Variants in BICRAL observed in about 807,000 individuals in gnomAD.
BICRAL encodes the protein BICRA like chromatin remodeling complex associated protein.
In BICRAL, 8 loss-of-function variants were observed where a neutral mutation model predicts 91.8. That is an observed-to-expected ratio of 0.09 (90% confidence interval 0.05 to 0.16). The LOEUF is 0.16. Ranked by LOEUF, BICRAL falls within the 10% of genes least tolerant of loss-of-function variation. The pLI is 1.00. For missense variants in BICRAL, 1,038 were observed against 1,310.9 expected (o/e 0.79, Z 3.21); for synonymous variants, 445 against 491.1 (o/e 0.91, Z 1.24).
intron 6 of BICRAL, among the ~76,000 whole-genome samples, chr6:42,831,745 C>CCTTT (rs796400023): frequency 6.9e-6 from 1 of 144,756 alleles, no homozygotes; most frequent in Non-Finnish European, 1.5e-5. Flanking sequence ...ATTTCAAAAT[C>CCTTT]TTTTTTTTTT....
intron 5 of BICRAL, among the ~76,000 whole-genome samples, chr6:42,825,043 G>A (rs1296924278): frequency 1.3e-5 from 2 of 152,086 alleles, no homozygotes; most frequent in Non-Finnish European, 2.9e-5. Context: ...GGCAGACCAC[G>A]AGGTCAGGAG....
chr6:42,811,933 A>G (rs1181720801), intron 2 of BICRAL, among the ~76,000 whole-genome samples: 4 of 152,246 alleles, frequency 2.6e-5, no homozygotes, highest in Admixed American at 2.0e-4. Flanking sequence ...AAAGATTGAC[A>G]AAGCTTAAAA....
chr6:42,836,752 G>A (rs750427828), intron 6 of BICRAL, among the ~76,000 whole-genome samples: 5 of 150,628 alleles, frequency 3.3e-5, no homozygotes, highest in Non-Finnish European at 7.4e-5. Flanking sequence ...CTCCTGAGTA[G>A]CTGAGATTAC....
chr6:42,782,498 AGGGGGCGGCGAGGCCGGGCC>A (rs1762944101), intron 1 of BICRAL, among the ~76,000 whole-genome samples: 1 of 58,828 alleles, frequency 1.7e-5, no homozygotes, highest in South Asian at 6.2e-4. Flanking sequence ...GCAGGCGGGC[AGGGGGCGGCGAGGCCGGGCC>A]GGGGGCGCCT....
At chr6:42,790,849 A>G (rs1763251796) in intron 1 of BICRAL, among the ~76,000 whole-genome samples, 1 of 152,040 alleles carries the variant, frequency 6.6e-6, no homozygotes, top group Non-Finnish European at 1.5e-5. Flanking sequence ...AGGAAAATAC[A>G]GTGAGTGAAG....
At chr6:42,863,110 C>T (rs577013526) in intron 12 of BICRAL, among the ~76,000 whole-genome samples, 64 of 146,850 alleles carry the variant, frequency 4.4e-4, no homozygotes, top group Non-Finnish European at 7.3e-4. Flanking sequence ...AGTTCAGTGG[C>T]GGATCTTGGC....
At chr6:42,830,740 C>T (rs1274578020) in intron 6 of BICRAL, among the ~76,000 whole-genome samples, 2 of 152,098 alleles carry the variant, frequency 1.3e-5, no homozygotes, top group Admixed American at 6.6e-5. Context: ...CTCAGCCTCC[C>T]AGGTAGCTGT....
chr6:42,841,199 T>A (rs1262019578), intron 6 of BICRAL, among the ~76,000 whole-genome samples: 2 of 143,024 alleles, frequency 1.4e-5, no homozygotes, highest in African/African-American at 5.2e-5. Context: ...TTTTTTTTTT[T>A]TTTTTTTTGA....
At chr6:42,838,130 T>C (rs1764693304) in intron 6 of BICRAL, among the ~76,000 whole-genome samples, 1 of 152,254 alleles carries the variant, frequency 6.6e-6, no homozygotes, top group Admixed American at 6.5e-5. Flanking sequence ...TATCCCTAAA[T>C]ACTTCAGCAG....
intron 1 of BICRAL, among the ~76,000 whole-genome samples, chr6:42,758,922 G>A (rs555169240): frequency 6.6e-6 from 1 of 152,318 alleles, no homozygotes; most frequent in Non-Finnish European, 1.5e-5. Context: ...GAGCTCCAGT[G>A]CTTCCAGCAA....
At chr6:42,847,779 C>T (rs934756455) in intron 6 of BICRAL, among the ~76,000 whole-genome samples, 2 of 151,694 alleles carry the variant, frequency 1.3e-5, no homozygotes, top group Non-Finnish European at 2.9e-5. Flanking sequence ...AAAAATTAGC[C>T]GGGTGTGGTG....
chr6:42,809,855 T>C (rs890325056), intron 1 of BICRAL, among the ~76,000 whole-genome samples: 3 of 152,058 alleles, frequency 2.0e-5, no homozygotes, highest in Non-Finnish European at 4.4e-5. Flanking sequence ...GGCATGATCC[T>C]ACCTCACTGC....
chr6:42,826,136 A>G (rs1764294705), intron 5 of BICRAL, among the ~76,000 whole-genome samples: 1 of 137,984 alleles, frequency 7.2e-6, no homozygotes, highest in Non-Finnish European at 1.7e-5. Context: ...AAACTAAAGC[A>G]CAGAAAGGTT....
At position 42,829,746 on chromosome 6, in the gene BICRAL, C is replaced by G. The variant is rs199601305; in HGVS notation, c.1413C>G (p.His471Gln). 1.2e-6 allele frequency: 2 copies of G among 1,614,030 alleles called. No individual in the cohort carries two copies. Among genetic ancestry groups the G allele is most frequent in the Admixed American group, 1.7e-5 (1 of 60,002 alleles). The change falls in exon 6 of 13, where the codon CAC (histidine) becomes CAG (glutamine). Residue 471 changes from histidine to glutamine, a missense_variant. Physicochemically the swap from His to Gln is conservative, Grantham distance 24 (BLOSUM62 0). Around this residue, in one of 5 missense-constraint regions of BICRAL, gnomAD observed 532 missense variants for 724.9 expected, o/e 0.73. Transcript: ENST00000314073. Reference sequence around the variant, plus strand: ...TTAACAACCAGAATACTGCTGTCCACTTAGTGTCTGGGCAGACATTTGCTG... The same window carrying G: ...TTAACAACCAGAATACTGCTGTCCAGTTAGTGTCTGGGCAGACATTTGCTG... ...PMLNNQNTAV[H>Q]LVSGQTFAAS...
chr6:42,768,396 A>G (rs1762666193), intron 1 of BICRAL, among the ~76,000 whole-genome samples: 1 of 152,194 alleles, frequency 6.6e-6, no homozygotes, highest in Non-Finnish European at 1.5e-5. Context: ...CATAGCAGTA[A>G]TACTAAAGCT....
chr6:42,853,850 C>T (rs1370442484), intron 8 of BICRAL, 112 bp downstream of exon 8: 1 of 732,780 alleles, frequency 1.4e-6, no homozygotes, highest in Non-Finnish European at 2.4e-6. Context: ...TCCACCCAGT[C>T]CCCTGTGTGC....
chr6:42,864,738 G>A lies in BICRAL; in HGVS notation c.2532G>A (p.Gln844=), dbSNP rs753294239. ...AHETQFGRSD[Q]HGSKASSSLQ... ...AGACACAGTTTGGCCGGAGTGACCA[G>A]CATGGCAGTAAAGCAAGCAGCTCTC... Residue 844 remains glutamine, a synonymous_variant, in exon 13 of 13, where the codon CAG becomes CAA. Coordinates refer to ENST00000314073, the MANE Select transcript of BICRAL (RefSeq NM_001393499.1). 1.2e-6 allele frequency: 2 copies of A among 1,614,158 alleles called. No individual in the cohort carries two copies. Among genetic ancestry groups the A allele is most frequent in the South Asian group, 2.2e-5 (2 of 91,084 alleles).
rs117895173 is a variant in BICRAL, at chr6:42,829,520, C to G, written c.1187C>G (p.Ala396Gly). 17 of 1,614,174 alleles carry G rather than the reference C, an allele frequency of 1.1e-5. No individual in the cohort carries two copies. In the East Asian group the frequency reaches 3.8e-4, roughly 36 times the overall value. ...VIHSPMGQPH[A>G]PQSQFLIPTS... ...CATTCCCCCATGGGCCAACCTCACGCACCCCAAAGTCAGTTCCTTATACCT... is the reference window on the plus strand; with the variant it reads ...CATTCCCCCATGGGCCAACCTCACGGACCCCAAAGTCAGTTCCTTATACCT... Residue 396 changes from alanine to glycine, a missense_variant, in exon 6 of 13, where the codon GCA becomes GGA. Ala to Gly is a moderately conservative substitution (Grantham distance 60). This residue lies in a region of BICRAL where 532 missense variants were observed against 724.9 expected (regional missense o/e 0.73). Transcript: ENST00000314073.
chr6:42,804,186 C>T (rs946332866), intron 1 of BICRAL, among the ~76,000 whole-genome samples: 3 of 152,172 alleles, frequency 2.0e-5, no homozygotes, highest in Non-Finnish European at 4.4e-5. Flanking sequence ...CCATGCCCAG[C>T]TAATTTTGTA....
Sources: allele counts gnomAD v4.1 joint callset (sites outside exome capture counted in the v4.1 genomes callset), GRCh38; gene constraint gnomAD v4.1.1; regional missense constraint gnomAD v4.1.1; transcripts MANE v1.5; gene names NCBI Gene and HGNC (gene_info 2026-07-23, HGNC 2026-07-21).